C8orf34: variants seen among roughly 807,000 people sequenced by gnomAD.
C8orf34 encodes the protein uncharacterized protein C8orf34.
C8orf34 carries 65 observed loss-of-function variants against 68.3 expected under a neutral mutation model. The observed-to-expected ratio is 0.95, with a 90% CI of 0.78 to 1.17. The LOEUF (loss-of-function observed/expected upper bound fraction) is 1.17. Among genes scored for constraint, C8orf34 ranks in the 50% most tolerant of loss-of-function variants. C8orf34 has a pLI of 0.00. For missense variants in C8orf34, 664 were observed against 655.4 expected, an observed-to-expected ratio of 1.01 and a Z score of -0.14; for synonymous variants, 244 against 241.2, an observed-to-expected ratio of 1.01 and a Z score of -0.11.
chr8:68,812,560 A>G (rs36030891), intron 12 of C8orf34, among the ~76,000 whole-genome samples: 296 of 152,264 alleles, frequency 1.9e-3, no homozygotes, highest in Middle Eastern at 6.8e-3. Flanking sequence ...TCTACCACTT[A>G]TATAAGGCTT....
intron 12 of C8orf34, among the ~76,000 whole-genome samples, chr8:68,790,620 C>A (rs1348829482): frequency 7.1e-6 from 1 of 140,198 alleles, no homozygotes; most frequent in Non-Finnish European, 1.5e-5. Context: ...ATAAGCAAAA[C>A]CCTTGATTAA....
At chr8:68,721,516 T>C (rs1310018492) in intron 10 of C8orf34, 79 bp downstream of exon 10, 12 of 960,368 alleles carry the variant, frequency 1.2e-5, no homozygotes, top group African/African-American at 5.0e-5. Flanking sequence ...AAATAAAATA[T>C]AATAAAGCCA....
chr8:68,626,655 C>T (rs1431183111), intron 7 of C8orf34, among the ~76,000 whole-genome samples: 3 of 152,008 alleles, frequency 2.0e-5, no homozygotes, highest in Non-Finnish European at 2.9e-5. Context: ...AGGTTTATGG[C>T]CAAAATGCAT....
intron 5 of C8orf34, among the ~76,000 whole-genome samples, chr8:68,505,683 A>T (rs1443339766): frequency 3.2e-5 from 3 of 92,554 alleles, no homozygotes; most frequent in Non-Finnish European, 5.7e-5. Flanking sequence ...GTGAGCCGAG[A>T]TTGCGCCACT....
In C8orf34 at chr8:68,384,995, G is replaced by A. The variant is rs75749684; in HGVS notation, c.327+53656G>A. Among the ~76,000 whole-genome samples the A allele has an allele frequency of 1.8e-3, 268 of 152,048 alleles. 3 individuals carry two copies. The highest frequency in any genetic ancestry group is 0.01 in the East Asian group (54 of 5,186). ...AAGAAGAAGCTGAAAACGAAGGAAC[G>A]AAAAAAATATGCAATATGCTTTTAA... is the stretch of plus-strand genomic sequence containing the variant. On this transcript the variant is annotated intron_variant, in intron 1 of 13. Transcript: ENST00000518698.
At chr8:68,794,987 T>G (rs75665186) in intron 12 of C8orf34, among the ~76,000 whole-genome samples, 1 of 152,162 alleles carries the variant, frequency 6.6e-6, no homozygotes, top group African/African-American at 2.4e-5. Context: ...TATAGGTAAC[T>G]GTTAATTTTT....
chr8:68,587,386 T>A (rs1379224653), intron 7 of C8orf34, among the ~76,000 whole-genome samples: 2 of 152,152 alleles, frequency 1.3e-5, no homozygotes, highest in African/African-American at 4.8e-5. Flanking sequence ...ACTTGCTTTT[T>A]CATCTTGTTA....
chr8:68,394,837 C>T (rs577797507), intron 1 of C8orf34, among the ~76,000 whole-genome samples: 1 of 152,026 alleles, frequency 6.6e-6, no homozygotes, highest in South Asian at 2.1e-4. Flanking sequence ...CTCCAAAAGA[C>T]TATACTGTAG....
intron 1 of C8orf34, among the ~76,000 whole-genome samples, chr8:68,376,646 C>T (rs1446382468): frequency 6.6e-6 from 1 of 151,484 alleles, no homozygotes; most frequent in Non-Finnish European, 1.5e-5. Flanking sequence ...TCTCTCTCTC[C>T]AGGCCCATTT....
intron 1 of C8orf34, among the ~76,000 whole-genome samples, chr8:68,409,259 CA>C (rs1809341079): frequency 1.3e-5 from 2 of 152,148 alleles, no homozygotes; most frequent in African/African-American, 4.8e-5. Context: ...CACTCTTAGG[CA>C]GGTCCTTCAG....
chr8:68,336,243 T>C (rs998690644), intron 1 of C8orf34, among the ~76,000 whole-genome samples: 1 of 151,794 alleles, frequency 6.6e-6, no homozygotes, highest in African/African-American at 2.4e-5. Flanking sequence ...AGAGAACAGC[T>C]AAGACTACAG....
intron 4 of C8orf34, among the ~76,000 whole-genome samples, chr8:68,485,616 G>T (rs1180563326): frequency 6.6e-6 from 1 of 151,796 alleles, no homozygotes; most frequent in Non-Finnish European, 1.5e-5. Context: ...TGAGGCTGAG[G>T]CAGGAGAATC....
At chr8:68,707,402 A>T (rs1821197415) in intron 8 of C8orf34, among the ~76,000 whole-genome samples, 1 of 152,160 alleles carries the variant, frequency 6.6e-6, no homozygotes, top group Non-Finnish European at 1.5e-5. Flanking sequence ...AGGAACAGTT[A>T]TAATTTCTTT....
chr8:68,453,082 A>G (rs1811412693), intron 3 of C8orf34, among the ~76,000 whole-genome samples: 1 of 151,876 alleles, frequency 6.6e-6, no homozygotes, highest in African/African-American at 2.4e-5. Context: ...CATGAATACG[A>G]GGGTTTATTT....
At chr8:68,479,431 GA>G (rs1812765149) in intron 4 of C8orf34, among the ~76,000 whole-genome samples, 2 of 121,132 alleles carry the variant, frequency 1.7e-5, no homozygotes, top group Non-Finnish European at 3.6e-5. Context: ...GAGAGAGAGA[GA>G]GAGAAAGCAA....
chr8:68,763,330 T>C (rs1389754299), intron 10 of C8orf34, among the ~76,000 whole-genome samples: 2 of 152,224 alleles, frequency 1.3e-5, no homozygotes, highest in Non-Finnish European at 2.9e-5. Flanking sequence ...TTGATAATGA[T>C]GCTGCCTTCC....
chr8:68,703,504 A>C (rs1821077388), intron 8 of C8orf34, among the ~76,000 whole-genome samples: 1 of 152,016 alleles, frequency 6.6e-6, no homozygotes, highest in Admixed American at 6.6e-5. Context: ...TGCAAATGCA[A>C]AGTTCAGCAT....
chr8:68,725,786 G>A (rs1028506277), intron 10 of C8orf34, among the ~76,000 whole-genome samples: 1 of 152,164 alleles, frequency 6.6e-6, no homozygotes, highest in African/African-American at 2.4e-5. Context: ...GTTGGGATCC[G>A]TACAATTGGT....
rs114010240 is a variant in C8orf34 at position 68,431,968 on chromosome 8, A to G, written c.328-7531A>G. 2.1e-3 allele frequency among the ~76,000 whole-genome samples: 324 copies of G among 152,276 alleles called. 4 individuals carry two copies. Among genetic ancestry groups the G allele is most frequent in the African/African-American group, 7.4e-3 (309 of 41,552 alleles). ...AAGGCTAATTATGCTTTTAAAATTT[A>G]TGACAAATGGATATGATAAACGTAA... On this transcript the variant is annotated intron_variant, in intron 1 of 13. Coordinates refer to ENST00000518698, the MANE Select transcript of C8orf34 (RefSeq NM_052958.4).
Sources: allele counts gnomAD v4.1 joint callset (sites outside exome capture counted in the v4.1 genomes callset), GRCh38; gene constraint gnomAD v4.1.1; transcripts MANE v1.5; gene names NCBI Gene and HGNC (gene_info 2026-07-23, HGNC 2026-07-21).